ZNRF1: variants seen among roughly 807,000 people sequenced by gnomAD.
The protein encoded by ZNRF1 is zinc and ring finger 1.
A neutral mutation model predicts 18.4 loss-of-function variants in ZNRF1; 3 were observed. That is an observed-to-expected ratio of 0.16 (90% CI 0.07 to 0.42). ZNRF1 has a LOEUF of 0.42. Among genes scored for constraint, ZNRF1 ranks in the 10% least tolerant of loss-of-function variants. ZNRF1 has a pLI of 0.99. For synonymous variants in ZNRF1, 157 were observed against 144.2 expected, an observed-to-expected ratio of 1.09 and a Z score of -0.64; for missense variants, 310 against 329.8, an observed-to-expected ratio of 0.94 and a Z score of 0.47.
chr16:75,029,650 C>T (rs2035274177), intron 1 of ZNRF1, among the ~76,000 whole-genome samples: 1 of 151,408 alleles, frequency 6.6e-6, no homozygotes, highest in Non-Finnish European at 1.5e-5. Flanking sequence ...GTGCCTGTAG[C>T]CCCAGCTGAG....
rs774395485 is a variant in ZNRF1 at position 75,093,600 on chromosome 16, T to G, written c.453T>G (p.Ser151=). 2.4e-5 allele frequency: 38 copies of G among 1,613,928 alleles called. No individual in the cohort carries two copies. Among genetic ancestry groups the G allele is most frequent in the Non-Finnish European group, 8.5e-7 (1 of 1,179,904 alleles). The change falls in exon 2 of 5, where the codon TCT becomes TCG. Residue 151 remains serine, a synonymous_variant. Transcript: ENST00000335325. Reference sequence around the variant, plus strand: ...TCAAGTGCCCCATTTGCTCCAAGTCTGTGGCTTCTGACGAGATGGAAATGC... The same window carrying G: ...TCAAGTGCCCCATTTGCTCCAAGTCGGTGGCTTCTGACGAGATGGAAATGC... The part of the protein sequence containing the change: ...SGFKCPICSK[S]VASDEMEMHF...
intron 3 of ZNRF1, chr16:75,105,969 G>A (rs2036311933): frequency 6.5e-6 from 1 of 154,506 alleles, no homozygotes; most frequent in African/African-American, 2.4e-5. Flanking sequence ...GTAGAGCTTG[G>A]GGCTCTCCTA....
At chr16:75,073,805 C>G (rs2035904271) in intron 1 of ZNRF1, among the ~76,000 whole-genome samples, 1 of 152,036 alleles carries the variant, frequency 6.6e-6, no homozygotes, top group African/African-American at 2.4e-5. Flanking sequence ...GTGCTGTATT[C>G]TGATTGACCT....
intron 1 of ZNRF1, among the ~76,000 whole-genome samples, chr16:75,029,146 T>A (rs1422201961): frequency 2.0e-5 from 3 of 151,374 alleles, no homozygotes; most frequent in Non-Finnish European, 1.5e-5. Context: ...ATTTTATTTT[T>A]ATTTTTATTT....
intron 1 of ZNRF1, among the ~76,000 whole-genome samples, chr16:75,003,109 A>G (rs1028657261): frequency 1.3e-5 from 2 of 152,180 alleles, no homozygotes; most frequent in African/African-American, 4.8e-5. Context: ...ATGCGCCACC[A>G]TGCCCAATAA....
At chr16:75,043,018 T>C (rs1485433882) in intron 1 of ZNRF1, among the ~76,000 whole-genome samples, 2 of 152,244 alleles carry the variant, frequency 1.3e-5, no homozygotes, top group African/African-American at 4.8e-5. Flanking sequence ...TTATACTTGG[T>C]GTCATCCCAC....
chr16:75,095,518 A>G (rs2036187895), intron 2 of ZNRF1: 1 of 1,359,936 alleles, frequency 7.4e-7, no homozygotes, highest in Admixed American at 2.7e-5. Context: ...TCTTTCCCAC[A>G]TGTGTGGAGA....
intron 1 of ZNRF1, among the ~76,000 whole-genome samples, chr16:75,031,634 G>C (rs1567472008): frequency 6.6e-6 from 1 of 151,924 alleles, no homozygotes; most frequent in Non-Finnish European, 1.5e-5. Flanking sequence ...AGCTTCCCAA[G>C]TAACTGGGAC....
At chr16:75,027,973 A>G (rs1435965441) in intron 1 of ZNRF1, among the ~76,000 whole-genome samples, 2 of 152,128 alleles carry the variant, frequency 1.3e-5, no homozygotes, top group African/African-American at 4.8e-5. Context: ...TGAGAAAACA[A>G]TGGCACTCGC....
intron 1 of ZNRF1, 112 bp from the exon 2 acceptor site, chr16:75,093,460 C>T (rs2036164095): frequency 1.3e-6 from 1 of 760,824 alleles, no homozygotes. Flanking sequence ...TTCTGATGGT[C>T]ATCCTCCACA....
At chr16:75,029,603 CAA>C (rs112283983) in intron 1 of ZNRF1, among the ~76,000 whole-genome samples, 2 of 151,120 alleles carry the variant, frequency 1.3e-5, no homozygotes, top group African/African-American at 2.4e-5. Flanking sequence ...CCCATCTCTA[CAA>C]AAAAAATACA....
intron 1 of ZNRF1, among the ~76,000 whole-genome samples, chr16:75,002,802 G>A (rs979320491): frequency 2.6e-5 from 4 of 152,196 alleles, no homozygotes; most frequent in African/African-American, 9.7e-5. Context: ...ACTTCCCTGT[G>A]CTGTGACCCC....
chr16:75,024,474 A>T (rs1488997507), intron 1 of ZNRF1, among the ~76,000 whole-genome samples: 2 of 152,212 alleles, frequency 1.3e-5, no homozygotes, highest in Non-Finnish European at 2.9e-5. Flanking sequence ...GAATAAAGAT[A>T]AAGGTAGTTT....
chr16:75,073,315 T>G (rs1419669974), intron 1 of ZNRF1, among the ~76,000 whole-genome samples: 1 of 152,056 alleles, frequency 6.6e-6, no homozygotes, highest in Non-Finnish European at 1.5e-5. Context: ...TGTTTTTCCT[T>G]TCTTTTTAGA....
intron 1 of ZNRF1, among the ~76,000 whole-genome samples, chr16:75,018,708 A>G (rs2035102923): frequency 6.6e-6 from 1 of 152,148 alleles, no homozygotes; most frequent in African/African-American, 2.4e-5. Flanking sequence ...AGATTTTCTA[A>G]TGTTAAATTA....
In ZNRF1 at chr16:75,078,329, C is replaced by T. The variant is rs573174690; in HGVS notation, c.425-15243C>T. The stretch of plus-strand genomic sequence containing the variant: ...TTTTTTTTTTTTTTTGACAGAGTCT[C>T]GCTCTGTTGCCCAGGCTGGAGTGCA... On this transcript the variant is annotated intron_variant, in intron 1 of 4. Transcript: ENST00000335325. Among the ~76,000 whole-genome samples the T allele has an allele frequency of 4.9e-4, 65 of 131,934 alleles. 1 individual carries two copies. Among genetic ancestry groups the T allele is most frequent in the African/African-American group, 1.8e-3 (62 of 34,446 alleles). The allele number at this position is 131,934 out of a possible 152,430, so 86.6% of individuals were successfully genotyped here.
intron 1 of ZNRF1, among the ~76,000 whole-genome samples, chr16:75,054,229 G>A (rs185011333): frequency 6.6e-6 from 1 of 152,346 alleles, no homozygotes; most frequent in East Asian, 1.9e-4. Context: ...CCTTAACTGT[G>A]TTGACCAGAA....
rs1597879437 is a variant in ZNRF1, at chr16:75,048,630, A to G, written c.425-44942A>G. Among the ~76,000 whole-genome samples the G allele has an allele frequency of 2.0e-5, 3 of 152,286 alleles. No individual in the cohort carries two copies. The East Asian group carries it at 5.8e-4, about 29-fold the overall frequency. On this transcript the variant is annotated intron_variant, in intron 1 of 4. Transcript: ENST00000335325. ...CCCTTTTGTAACTTGTCGGCTCTCG[A>G]GAATAGAACCATTAGGGCCTGCCTT...
At chr16:75,099,854 G>C (rs935897391) in intron 2 of ZNRF1, among the ~76,000 whole-genome samples, 3 of 152,200 alleles carry the variant, frequency 2.0e-5, no homozygotes, top group Non-Finnish European at 2.9e-5. Flanking sequence ...CCAGTTGATA[G>C]GCAAGCATCA....
Sources: allele counts gnomAD v4.1 joint callset (sites outside exome capture counted in the v4.1 genomes callset), GRCh38; gene constraint gnomAD v4.1.1; transcripts MANE v1.5; gene names NCBI Gene and HGNC (gene_info 2026-07-23, HGNC 2026-07-21).